The following APP variants were observed in gnomAD, a reference collection of about 807,000 sequenced individuals.
APP encodes the protein amyloid beta precursor protein.
A neutral mutation model predicts 101.4 loss-of-function variants in APP; 31 were observed. The observed-to-expected ratio is 0.31, with a 90% CI of 0.23 to 0.41. APP has a LOEUF of 0.41. Ranked by LOEUF, APP falls within the 10% of genes least tolerant of loss-of-function variation. The probability of loss-of-function intolerance (pLI) is 1.00; values close to 1 mark genes in which losing one functional copy is unlikely to be tolerated. For synonymous variants in APP, 366 were observed against 364.4 expected (o/e 1.00, Z -0.05); for missense variants, 839 against 1,003.7 (o/e 0.84, Z 2.22).
Position 25,893,042 on chromosome 21 carries a change from T to A in APP, c.2065-1174A>T, listed in dbSNP as rs2037800694. Among the ~76,000 whole-genome samples the A allele has an allele frequency of 4.6e-5, 7 of 152,344 alleles. No homozygotes were observed. The South Asian group carries it at 1.5e-3, about 32-fold the overall frequency. On this transcript the variant is annotated intron_variant, in intron 16 of 17. Transcript: ENST00000346798. The stretch of plus-strand genomic sequence containing the variant: ...ACAGTGAACACAGGTTCACTTCATG[T>A]CTGTGTCACATTTTGGTAATTATTT...
At chr21:26,031,460 G>T (rs2044817157) in intron 5 of APP, among the ~76,000 whole-genome samples, 1 of 152,182 alleles carries the variant, frequency 6.6e-6, no homozygotes, top group Non-Finnish European at 1.5e-5. Flanking sequence ...CCCAAGATTG[G>T]GGAGAAAAAG....
At chr21:25,911,687 T>C in intron 14 of APP, 54 bp downstream of exon 14, 2 of 1,475,214 alleles carry the variant, frequency 1.4e-6, no homozygotes, top group Non-Finnish European at 1.9e-6. Flanking sequence ...ACACACGTTA[T>C]GTATGTGTAT....
chr21:26,155,076 T>C (rs941218460), intron 1 of APP, among the ~76,000 whole-genome samples: 7 of 151,982 alleles, frequency 4.6e-5, no homozygotes, highest in Non-Finnish European at 1.0e-4. Flanking sequence ...CATGGTGAAA[T>C]CTCATCCCTA....
intron 4 of APP, among the ~76,000 whole-genome samples, chr21:26,051,896 T>C (rs1327122435): frequency 1.3e-5 from 2 of 152,182 alleles, no homozygotes; most frequent in African/African-American, 2.4e-5. Flanking sequence ...TATTTTGACC[T>C]TATGGGAGTC....
At chr21:26,090,921 C>T (rs567250655) in intron 2 of APP, among the ~76,000 whole-genome samples, 1 of 152,176 alleles carries the variant, frequency 6.6e-6, no homozygotes, top group African/African-American at 2.4e-5. Flanking sequence ...ACTACAGCCC[C>T]TTGCTTTGAT....
rs138744704 is a variant in APP at position 26,013,274 on chromosome 21, G to A, written c.865+8566C>T. 9.4e-3 allele frequency among the ~76,000 whole-genome samples: 1,434 copies of A among 152,256 alleles called. 28 individuals carry two copies. Among genetic ancestry groups the A allele is most frequent in the African/African-American group, 0.032 (1,349 of 41,538 alleles). ...AGAGGTTGCAGTGAGCCGAGATCGC[G>A]CCATTGCACTCCAGCCTGGGCGACA... On this transcript the variant is annotated intron_variant, in intron 6 of 17. Coordinates refer to ENST00000346798, the MANE Select transcript of APP (RefSeq NM_000484.4).
intron 11 of APP, among the ~76,000 whole-genome samples, chr21:25,958,193 A>G (rs2186301): frequency 0.98 from 148,645 of 152,252 alleles, 72,571 homozygotes; most frequent in African/African-American, 0.98. Context: ...TTTAGAGAAG[A>G]TGCAGGTCAT....
At chr21:26,013,177 C>T (rs565453499) in intron 6 of APP, among the ~76,000 whole-genome samples, 6 of 152,006 alleles carry the variant, frequency 3.9e-5, no homozygotes, top group South Asian at 2.1e-4. Context: ...GTTAGCCAGG[C>T]GCGGTTGTGT....
intron 1 of APP, among the ~76,000 whole-genome samples, chr21:26,147,776 AG>A (rs2063182515): frequency 6.6e-6 from 1 of 152,042 alleles, no homozygotes; most frequent in African/African-American, 2.4e-5. Context: ...AACACCTGAT[AG>A]GGCCTTACAC....
intron 13 of APP, among the ~76,000 whole-genome samples, chr21:25,925,619 G>T (rs988848046): frequency 6.6e-6 from 1 of 152,090 alleles, no homozygotes; most frequent in Admixed American, 6.5e-5. Flanking sequence ...CAACAGCCTC[G>T]GTTATCCCTT....
chr21:25,998,431 C>T (rs2043141514), intron 7 of APP, among the ~76,000 whole-genome samples: 1 of 150,384 alleles, frequency 6.6e-6, no homozygotes, highest in South Asian at 2.1e-4. Context: ...TCAGTTCCTA[C>T]ACCTGTTCAC....
intron 6 of APP, among the ~76,000 whole-genome samples, chr21:26,013,864 C>T (rs1490885747): frequency 6.6e-6 from 1 of 152,120 alleles, no homozygotes; most frequent in African/African-American, 2.4e-5. Context: ...TTGTCCATGT[C>T]CTGCTTCACT....
intron 3 of APP, 152 bp downstream of exon 3, chr21:26,089,791 A>C: frequency 8.6e-7 from 1 of 1,163,102 alleles, no homozygotes; most frequent in Non-Finnish European, 1.2e-6. Flanking sequence ...AGTGCACAGA[A>C]TGTAACTGCA....
intron 13 of APP, among the ~76,000 whole-genome samples, chr21:25,953,814 AC>A (rs1345259859): frequency 1.2e-4 from 18 of 152,160 alleles, no homozygotes; most frequent in Non-Finnish European, 2.2e-4. Flanking sequence ...CATTAGGAAA[AC>A]TAGGGACATA....
chr21:25,930,124 A>T (rs2040077650), intron 13 of APP, among the ~76,000 whole-genome samples: 1 of 152,180 alleles, frequency 6.6e-6, no homozygotes, highest in Admixed American at 6.5e-5. Flanking sequence ...CCGTAGCAAG[A>T]CTTGCCCACA....
At chr21:25,961,737 G>C (rs1221618825) in intron 11 of APP, among the ~76,000 whole-genome samples, 2 of 152,114 alleles carry the variant, frequency 1.3e-5, no homozygotes, top group Admixed American at 1.3e-4. Context: ...TACAGGAATG[G>C]TAGGGAAAAA....
At chr21:25,986,028 A>G (rs2042623741) in intron 8 of APP, among the ~76,000 whole-genome samples, 1 of 152,202 alleles carries the variant, frequency 6.6e-6, no homozygotes, top group Admixed American at 6.5e-5. Context: ...GTATGTCCAG[A>G]GAGCTCAACT....
chr21:25,916,450 A>C (rs1350886105), intron 13 of APP, among the ~76,000 whole-genome samples: 2 of 152,238 alleles, frequency 1.3e-5, no homozygotes, highest in Non-Finnish European at 2.9e-5. Flanking sequence ...TGGCTTACAC[A>C]CTGGCACTGG....
At chr21:26,119,215 T>C (rs189893976) in intron 1 of APP, among the ~76,000 whole-genome samples, 2 of 152,336 alleles carry the variant, frequency 1.3e-5, no homozygotes, top group African/African-American at 4.8e-5. Flanking sequence ...GTCAAGCTTT[T>C]TTAATTCTTC....
Sources: allele counts gnomAD v4.1 joint callset (sites outside exome capture counted in the v4.1 genomes callset), GRCh38; gene constraint gnomAD v4.1.1; transcripts MANE v1.5; gene names NCBI Gene and HGNC (gene_info 2026-07-23, HGNC 2026-07-21).